Variants in HERC3 observed in about 807,000 individuals in gnomAD.
HERC3 encodes the protein HECT and RLD domain containing E3 ubiquitin protein ligase 3.
HERC3 carries 58 observed loss-of-function variants against 129.9 expected under a neutral mutation model. The ratio of observed to expected loss-of-function variants is 0.45; its 90% CI spans 0.36 to 0.56. The LOEUF (loss-of-function observed/expected upper bound fraction) is 0.56. Among genes scored for constraint, HERC3 ranks in the 20% least tolerant of loss-of-function variants. The probability of loss-of-function intolerance (pLI) is 0.00; values close to 1 mark genes in which losing one functional copy is unlikely to be tolerated. For missense variants in HERC3, 835 were observed against 1,244.2 expected, an observed-to-expected ratio of 0.67 and a Z score of 4.95; for synonymous variants, 430 against 451.0, an observed-to-expected ratio of 0.95 and a Z score of 0.59.
chr4:88,585,321 C>A, the HERC3 span, among the ~76,000 whole-genome samples: 1 of 152,144 alleles, frequency 6.6e-6, no homozygotes. Context: ...AAGTACATGT[C>A]CATCTTGTAG....
intron 21 of HERC3, among the ~76,000 whole-genome samples, chr4:88,683,506 T>C (rs899784391): frequency 1.1e-4 from 16 of 152,228 alleles, no homozygotes; most frequent in African/African-American, 3.6e-4. Flanking sequence ...GTGTGTCCCT[T>C]ACTTTGCTTA....
intron 23 of HERC3, chr4:88,697,913 T>A (rs773673460): frequency 2.1e-6 from 2 of 956,290 alleles, no homozygotes; most frequent in Non-Finnish European, 3.1e-6. Flanking sequence ...GGCACTTGAC[T>A]GGCTTCCCAC....
Position 88,707,531 on chromosome 4 carries a change from T to A in HERC3, c.*571T>A, listed in dbSNP as rs925308205. On this transcript the variant is annotated 3_prime_UTR_variant, in exon 26 of 26. Transcript: ENST00000402738. Reference sequence around the variant, plus strand: ...TTCCAAAAAGCTGAGTCTGGGTCCATTATTTTGGCAGAACTCCTAAGAATT... The same window carrying A: ...TTCCAAAAAGCTGAGTCTGGGTCCAATATTTTGGCAGAACTCCTAAGAATT... 1 of 152,606 alleles carries A rather than the reference T, an allele frequency of 6.6e-6. No homozygotes were observed. Among genetic ancestry groups the A allele is most frequent in the African/African-American group, 2.4e-5 (1 of 41,450 alleles). The allele number at this position is 152,606 out of a possible 1,614,324, so 9.5% of individuals were successfully genotyped here.
At chr4:88,538,439 G>A in the HERC3 span, among the ~76,000 whole-genome samples, 4 of 152,114 alleles carry the variant, frequency 2.6e-5, no homozygotes, top group Admixed American at 2.6e-4. Context: ...TCAACGTGTT[G>A]GCAGGTTTGG....
chr4:88,656,289 T>C, intron 9 of HERC3: 1 of 466,160 alleles, frequency 2.1e-6, no homozygotes, highest in Non-Finnish European at 3.8e-6. Flanking sequence ...TGAAACAGGG[T>C]GATTTATGAA....
chr4:88,653,201 C>CA, intron 6 of HERC3, 111 bp downstream of exon 6: 1 of 1,028,294 alleles, frequency 9.7e-7, no homozygotes, highest in African/African-American at 1.6e-5. Context: ...AAGGGAGAAG[C>CA]AGTGAACACA....
chr4:88,698,423 G>T (rs1734905616), intron 23 of HERC3, among the ~76,000 whole-genome samples: 1 of 152,030 alleles, frequency 6.6e-6, no homozygotes, highest in South Asian at 2.1e-4. Context: ...TGGCAAGGTC[G>T]TCTCTCAGCA....
chr4:88,623,000 T>G (rs906964348), intron 3 of HERC3, among the ~76,000 whole-genome samples: 13 of 152,154 alleles, frequency 8.5e-5, no homozygotes, highest in African/African-American at 2.9e-4. Context: ...GAGGATTAAT[T>G]GAGATAAAAC....
At chr4:88,667,760 G>T (rs1251296645) in intron 13 of HERC3, 132 bp from the exon 14 acceptor site, 7 of 702,578 alleles carry the variant, frequency 1.0e-5, no homozygotes, top group Admixed American at 2.7e-5. Context: ...CCAGTGTCAG[G>T]CTCATAGTAG....
intron 3 of HERC3, among the ~76,000 whole-genome samples, chr4:88,615,066 G>T (rs1294093710): frequency 6.6e-6 from 1 of 152,212 alleles, no homozygotes; most frequent in Non-Finnish European, 1.5e-5. Flanking sequence ...TTGTGAGCTT[G>T]TTGGAGGAGC....
upstream of HERC3, among the ~76,000 whole-genome samples, chr4:88,591,972 C>A (rs1721737076): frequency 6.6e-6 from 1 of 152,126 alleles, no homozygotes; most frequent in South Asian, 2.1e-4. Context: ...GCCTCTCCCA[C>A]CGCGCAGCGC....
chr4:88,565,640 T>C, the HERC3 span, among the ~76,000 whole-genome samples: 7 of 152,152 alleles, frequency 4.6e-5, no homozygotes, highest in Admixed American at 6.5e-5. Context: ...GTGTTTCTTG[T>C]AGGCAACAGA....
At position 88,670,247 on chromosome 4, in the gene HERC3, G is replaced by C; in HGVS notation, c.1906G>C (p.Gly636Arg). ...CCTCATGTGGTTCTTGCATCAAGCAGGGATGGTAAGAATTCATAAAGCATA... is the reference window on the plus strand; with the variant it reads ...CCTCATGTGGTTCTTGCATCAAGCACGGATGGTAAGAATTCATAAAGCATA... Reference protein sequence around the residue: ...DYLMWFLHQAGMKARPSIIQD... With the variant: ...DYLMWFLHQARMKARPSIIQD... Residue 636 changes from glycine (G) to arginine (R), a missense_variant, in exon 16 of 26, where the codon GGG becomes CGG. Coordinates refer to ENST00000402738, the MANE Select transcript of HERC3 (RefSeq NM_014606.3). 1 of 1,591,390 alleles carries C rather than the reference G, an allele frequency of 6.3e-7. No individual in the cohort carries two copies. The highest frequency in any genetic ancestry group is 8.6e-7 in the Non-Finnish European group (1 of 1,159,838).
chr4:88,639,034 G>A (rs757506220), intron 3 of HERC3, among the ~76,000 whole-genome samples: 5 of 152,102 alleles, frequency 3.3e-5, no homozygotes, highest in Non-Finnish European at 5.9e-5. Context: ...CAGCTAACAA[G>A]GGACATAAAG....
intron 16 of HERC3, 68 bp from the exon 17 acceptor site, chr4:88,676,150 A>T: frequency 8.7e-7 from 1 of 1,144,526 alleles, no homozygotes; most frequent in Non-Finnish European, 1.3e-6. Context: ...TTTATATTTT[A>T]CTTTTGGAGG....
chr4:88,583,719 C>T, the HERC3 span: 5 of 152,218 alleles, frequency 3.3e-5, no homozygotes, highest in Non-Finnish European at 7.3e-5. Flanking sequence ...GGCTAACCTA[C>T]ATTTGCTTGC....
chr4:88,629,471 C>T (rs1578199753), intron 3 of HERC3, among the ~76,000 whole-genome samples: 1 of 152,166 alleles, frequency 6.6e-6, no homozygotes, highest in Non-Finnish European at 1.5e-5. Context: ...TTAATGACTA[C>T]ATATTTCATT....
chr4:88,659,677 C>CAA (rs1339447741), intron 10 of HERC3, among the ~76,000 whole-genome samples: 1 of 152,136 alleles, frequency 6.6e-6, no homozygotes, highest in Non-Finnish European at 1.5e-5. Context: ...AAACAAAATA[C>CAA]AAAAGGCACT....
chr4:88,693,680 G>A (rs1734302554), intron 23 of HERC3: 2 of 984,378 alleles, frequency 2.0e-6, no homozygotes, highest in Non-Finnish European at 2.4e-6. Context: ...ATGTGTAAAT[G>A]TGTCTATGTG....
Sources: gnomAD v4.1 joint callset for allele counts (sites outside exome capture counted in the v4.1 genomes callset) on GRCh38, gnomAD v4.1.1 for gene constraint, MANE v1.5 for transcripts, NCBI Gene and HGNC (gene_info 2026-07-23, HGNC 2026-07-21) for gene names.